The following DTNA variants were observed in gnomAD, a reference collection of about 807,000 sequenced individuals.
DTNA encodes dystrophin-related protein 3.
A neutral mutation model predicts 100.7 loss-of-function variants in DTNA; 43 were observed. The observed-to-expected ratio is 0.43, with a 90% CI of 0.33 to 0.55. The LOEUF (loss-of-function observed/expected upper bound fraction) is 0.55. Among genes scored for constraint, DTNA ranks in the 20% least tolerant of loss-of-function variants. The pLI is 0.04. For synonymous variants in DTNA, 349 were observed against 347.9 expected (o/e 1.00, Z -0.04); for missense variants, 798 against 953.9 (o/e 0.84, Z 2.15).
intron 12 of DTNA, 115 bp downstream of exon 12, chr18:34,838,286 C>A: frequency 1.2e-5 from 14 of 1,166,262 alleles, no homozygotes; most frequent in Non-Finnish European, 1.6e-5. Context: ...GTAAAAGCAG[C>A]TCTGCTTTAA....
At chr18:34,825,472 C>T (rs771511723) in intron 9 of DTNA, among the ~76,000 whole-genome samples, 4 of 152,080 alleles carry the variant, frequency 2.6e-5, no homozygotes, top group African/African-American at 9.7e-5. Context: ...GCCATTGTGA[C>T]TTACTCTCTT....
Position 34,889,950 on chromosome 18 carries a change from T to TC in DTNA, c.*2216_*2217insC. On this transcript the variant is annotated 3_prime_UTR_variant, in exon 23 of 23. Coordinates refer to ENST00000444659, the MANE Select transcript of DTNA (RefSeq NM_001386795.1). ...TCTAGATGGAGCAGGTGGCCACTGGTGCCTCATACTCAGTATTGAAAACCA... is the reference window on the plus strand; with the variant it reads ...TCTAGATGGAGCAGGTGGCCACTGGTCGCCTCATACTCAGTATTGAAAACCA... 4 of 1,063,256 alleles carry TC rather than the reference T, an allele frequency of 3.8e-6. No homozygotes were observed. In the South Asian group the frequency reaches 1.1e-4, roughly 29 times the overall value. The allele number at this position is 1,063,256 out of a possible 1,614,324, so 65.9% of individuals were successfully genotyped here.
At chr18:34,533,079 CAG>C (rs1288786762) in intron 1 of DTNA, among the ~76,000 whole-genome samples, 7 of 151,816 alleles carry the variant, frequency 4.6e-5, no homozygotes, top group Admixed American at 3.3e-4. Flanking sequence ...TATCAAAATG[CAG>C]AGAGTGGGGC....
intron 1 of DTNA, among the ~76,000 whole-genome samples, chr18:34,494,348 C>T (rs2038931789): frequency 7.0e-6 from 1 of 141,848 alleles, no homozygotes; most frequent in Non-Finnish European, 1.5e-5. Context: ...TGGGAGTGGG[C>T]TCCGGGCCCC....
At chr18:34,621,957 G>T (rs1240186990) in intron 1 of DTNA, among the ~76,000 whole-genome samples, 1 of 152,106 alleles carries the variant, frequency 6.6e-6, no homozygotes, top group Non-Finnish European at 1.5e-5. Context: ...TAAAGACAAA[G>T]TTGAACTCAT....
chr18:34,847,229 T>C (rs1272047839), intron 13 of DTNA, among the ~76,000 whole-genome samples: 1 of 152,214 alleles, frequency 6.6e-6, no homozygotes, highest in Non-Finnish European at 1.5e-5. Context: ...CATTAGTTTT[T>C]AGGGACTCAG....
At chr18:34,760,875 T>C (rs943119678) in intron 2 of DTNA, among the ~76,000 whole-genome samples, 1 of 152,216 alleles carries the variant, frequency 6.6e-6, no homozygotes, top group Non-Finnish European at 1.5e-5. Context: ...CTCTAATCCT[T>C]ATATCCAACT....
chr18:34,506,361 T>A (rs555149304), intron 1 of DTNA, among the ~76,000 whole-genome samples: 1 of 152,252 alleles, frequency 6.6e-6, no homozygotes, highest in South Asian at 2.1e-4. Flanking sequence ...GGGGGGTCTT[T>A]ATTACCACTG....
chr18:34,534,336 T>C (rs939720479), intron 1 of DTNA, among the ~76,000 whole-genome samples: 4 of 152,102 alleles, frequency 2.6e-5, no homozygotes, highest in Admixed American at 6.6e-5. Context: ...TTTTTAATAA[T>C]ATTTTTACTG....
At chr18:34,708,410 G>T (rs2082379349), upstream of DTNA, among the ~76,000 whole-genome samples, 1 of 152,056 alleles carries the variant, frequency 6.6e-6, no homozygotes. Flanking sequence ...ATAACATATA[G>T]ACCATTTTTT....
At chr18:34,511,606 G>A (rs1161117379) in intron 1 of DTNA, among the ~76,000 whole-genome samples, 3 of 152,020 alleles carry the variant, frequency 2.0e-5, no homozygotes, top group Admixed American at 6.6e-5. Flanking sequence ...TGGATAGGAT[G>A]CTTTCAAGTC....
At chr18:34,762,471 C>A (rs923216323) in intron 2 of DTNA, among the ~76,000 whole-genome samples, 5 of 152,012 alleles carry the variant, frequency 3.3e-5, no homozygotes, top group Non-Finnish European at 5.9e-5. Flanking sequence ...ATCAATGACT[C>A]GAATGAAGAC....
intron 3 of DTNA, among the ~76,000 whole-genome samples, chr18:34,774,381 G>T (rs1269443215): frequency 6.6e-6 from 1 of 152,218 alleles, no homozygotes; most frequent in Non-Finnish European, 1.5e-5. Flanking sequence ...ACAGAAGTCA[G>T]TCGGGAGGAC....
chr18:34,772,981 A>G (rs1489519757), intron 3 of DTNA, among the ~76,000 whole-genome samples: 2 of 152,310 alleles, frequency 1.3e-5, no homozygotes, highest in African/African-American at 4.8e-5. Flanking sequence ...GACTACCTTC[A>G]GTTCCTAGAG....
chr18:34,663,003 A>G (rs1326229932), intron 1 of DTNA: 1 of 152,186 alleles, frequency 6.6e-6, no homozygotes, highest in East Asian at 1.9e-4. Flanking sequence ...GCTGGAATCT[A>G]TTACTAGGGG....
chr18:34,877,466 T>C (rs1346154746), intron 18 of DTNA, among the ~76,000 whole-genome samples: 2 of 152,114 alleles, frequency 1.3e-5, no homozygotes, highest in Admixed American at 6.5e-5. Flanking sequence ...TTCAAAATTG[T>C]CCCCATATGG....
At chr18:34,710,586 C>T (rs2082697990) in intron 1 of DTNA, 141 bp downstream of exon 1, 1 of 151,946 alleles carries the variant, frequency 6.6e-6, no homozygotes, top group South Asian at 2.1e-4. Context: ...ACCCTCCTAG[C>T]TCCTCCACCT....
intron 15 of DTNA, among the ~76,000 whole-genome samples, chr18:34,855,027 C>G (rs1214206416): frequency 1.3e-5 from 2 of 152,074 alleles, no homozygotes; most frequent in Non-Finnish European, 2.9e-5. Flanking sequence ...TCATTGTGGT[C>G]TAGGTTGTGT....
chr18:34,544,995 A>C (rs1175409853), intron 1 of DTNA, among the ~76,000 whole-genome samples: 1 of 152,086 alleles, frequency 6.6e-6, no homozygotes. Context: ...GTGGCAGATA[A>C]AGTTCAAAGG....
Sources: gnomAD v4.1 joint callset for allele counts (sites outside exome capture counted in the v4.1 genomes callset) on GRCh38, gnomAD v4.1.1 for gene constraint, MANE v1.5 for transcripts, NCBI Gene and HGNC (gene_info 2026-07-23, HGNC 2026-07-21) for gene names.